The following NOX5 variants were observed in gnomAD, a reference collection of about 807,000 sequenced individuals.
NOX5 encodes NADPH oxidase, EF-hand calcium binding domain 5.
A neutral mutation model predicts 85.7 loss-of-function variants in NOX5; 76 were observed. The observed-to-expected ratio is 0.89, with a 90% CI of 0.74 to 1.07. The LOEUF (loss-of-function observed/expected upper bound fraction) is 1.07, where lower values mean the gene tolerates loss of function less well. Ranked by LOEUF, NOX5 falls within the 50% of genes least tolerant of loss-of-function variation. The pLI, the probability that NOX5 is intolerant of heterozygous loss-of-function variation, is 0.00. For synonymous variants in NOX5, 405 were observed against 401.4 expected, an observed-to-expected ratio of 1.01 and a Z score of -0.11; for missense variants, 973 against 999.5, an observed-to-expected ratio of 0.97 and a Z score of 0.36.
At chr15:69,049,922 C>A (rs535470559) in intron 14 of NOX5, among the ~76,000 whole-genome samples, 2 of 152,226 alleles carry the variant, frequency 1.3e-5, no homozygotes, top group Non-Finnish European at 2.9e-5. Context: ...CCACTGCAAT[C>A]AAAATATGGA....
intron 14 of NOX5, among the ~76,000 whole-genome samples, chr15:69,049,298 C>G (rs2050718554): frequency 6.6e-6 from 1 of 150,658 alleles, no homozygotes; most frequent in South Asian, 2.2e-4. Flanking sequence ...CTCAAGCAAT[C>G]CTCCACCTTG....
chr15:69,055,124 A>G (rs1374677883), intron 14 of NOX5, among the ~76,000 whole-genome samples: 1 of 152,218 alleles, frequency 6.6e-6, no homozygotes, highest in Non-Finnish European at 1.5e-5. Context: ...TAGTGCATAT[A>G]AAGTAACCAA....
chr15:69,016,894 C>T (rs2050238079), intron 1 of NOX5, among the ~76,000 whole-genome samples: 1 of 152,110 alleles, frequency 6.6e-6, no homozygotes, highest in South Asian at 2.1e-4. Flanking sequence ...ATGGACCCCT[C>T]CTCTCAGCAA....
rs780376997 is a variant in NOX5 at position 69,059,242 on chromosome 15, G to A, written c.*2546G>A. The stretch of plus-strand genomic sequence containing the variant: ...TGTCCTGAGGTTTTCTCTCCAGACA[G>A]ATTCCAGTTGCCCACGAGAGGGCGC... On this transcript the variant is annotated 3_prime_UTR_variant, in exon 16 of 16. Coordinates refer to ENST00000388866, the MANE Select transcript of NOX5 (RefSeq NM_024505.4). The A allele has an allele frequency of 2.0e-5, 3 of 152,220 alleles. No homozygotes were observed. The highest frequency in any genetic ancestry group is 1.5e-5 in the Non-Finnish European group (1 of 68,064). 9.4% of individuals were successfully genotyped at this position (152,220 alleles called of 1,614,324 possible).
chr15:69,031,918 G>A, intron 4 of NOX5, 106 bp downstream of exon 4: 1 of 1,197,550 alleles, frequency 8.4e-7, no homozygotes, highest in Non-Finnish European at 1.2e-6. Context: ...ACCCCGCCCT[G>A]CCCCGCCCCT....
At position 69,048,998 on chromosome 15, in the gene NOX5, G is replaced by C. The variant is rs758389674; in HGVS notation, c.1939G>C (p.Glu647Gln). 6.2e-7 allele frequency: 1 copy of C among 1,612,950 alleles called. No homozygotes were observed. The highest frequency in any genetic ancestry group is 2.2e-5 in the East Asian group (1 of 44,884). The change falls in exon 14 of 16, where the codon GAG (glutamate) becomes CAG (glutamine). Residue 647 changes from glutamate to glutamine, a missense_variant. By Grantham distance (29) the Glu-to-Gln change is conservative. Transcript: ENST00000388866. ...GATCAACAGAGACCAGCGGTCTTTC[G>C]AGTGGTTTGTGAGCCTGCTGACTAA... ...IWINRDQRSF[E>Q]WFVSLLTKLE...
In NOX5 at chr15:69,055,404, G is replaced by A. The variant is rs753421567; in HGVS notation, c.2070G>A (p.Leu690=). Residue 690 remains leucine (L), a synonymous_variant, in exon 15 of 16, where the codon CTG becomes CTA. Coordinates refer to ENST00000388866, the MANE Select transcript of NOX5 (RefSeq NM_024505.4). ...AGAATGACATGAAGGCCATTGGCCT[G>A]CAGATGGCCCTTGACCTCCTGGCCA... ...LGKNDMKAIG[L]QMALDLLANK... 2 of 1,614,182 alleles carry A rather than the reference G, an allele frequency of 1.2e-6. No homozygotes were observed. Among genetic ancestry groups the A allele is most frequent in the South Asian group, 1.1e-5 (1 of 91,078 alleles).
chr15:69,015,198 T>G (rs561909505), intron 1 of NOX5, among the ~76,000 whole-genome samples: 1 of 152,172 alleles, frequency 6.6e-6, no homozygotes, highest in Non-Finnish European at 1.5e-5. Context: ...GTGAGCACAT[T>G]GTTCCCCTTG....
intron 1 of NOX5, chr15:69,023,339 C>A: frequency 7.5e-6 from 2 of 267,840 alleles, no homozygotes; most frequent in East Asian, 2.1e-4. Flanking sequence ...ACTTCATTCT[C>A]TCAGATGGGT....
At chr15:69,014,845 G>A in intron 1 of NOX5, 60 bp downstream of exon 1, 1 of 1,242,606 alleles carries the variant, frequency 8.0e-7, no homozygotes. Context: ...GGGATTATTT[G>A]CCTTTGTGGG....
intron 9 of NOX5, among the ~76,000 whole-genome samples, chr15:69,040,890 G>T (rs1456641776): frequency 6.6e-6 from 1 of 152,072 alleles, no homozygotes; most frequent in African/African-American, 2.4e-5. Context: ...ATTTCACCAC[G>T]TTGGCCAGGC....
At position 69,033,255 on chromosome 15, in the gene NOX5, A is replaced by G. The variant is rs750661413; in HGVS notation, c.833A>G (p.Asn278Ser). The G allele has an allele frequency of 5.6e-6, 9 of 1,595,778 alleles. No individual in the cohort carries two copies. Among genetic ancestry groups the G allele is most frequent in the South Asian group, 1.1e-5 (1 of 90,150 alleles). Residue 278 changes from asparagine to serine, a missense_variant, in exon 5 of 16, where the codon AAC becomes AGC. Coordinates refer to ENST00000388866, the MANE Select transcript of NOX5 (RefSeq NM_024505.4). ...GCCAAGGGCTGCGGCCAGTGCCTCA[A>G]CTTCGACTGCAGCTTCATCGCGGTA... ...MVAKGCGQCLNFDCSFIAVLM... is the reference protein window; with the variant it reads ...MVAKGCGQCLSFDCSFIAVLM...
chr15:69,034,049 T>C (rs1567098944), intron 5 of NOX5, among the ~76,000 whole-genome samples: 1 of 152,164 alleles, frequency 6.6e-6, no homozygotes, highest in South Asian at 2.1e-4. Context: ...CCTCTTATGC[T>C]TATATGCATG....
In NOX5 at chr15:69,060,015, CAAAG is replaced by C. The variant is rs1302674440; in HGVS notation, c.*3321_*3324del. On this transcript the variant is annotated 3_prime_UTR_variant, in exon 16 of 16. Coordinates refer to ENST00000388866, the MANE Select transcript of NOX5 (RefSeq NM_024505.4). Reference sequence around the variant, plus strand: ...GGTTACTTAAATGGAATTATCCTTACAAAGAGTCTTTTGCACCTAATTGTCACTT... The same window carrying C: ...GGTTACTTAAATGGAATTATCCTTACAGTCTTTTGCACCTAATTGTCACTT... The C allele has an allele frequency of 6.6e-6, 1 of 152,242 alleles. No homozygotes were observed. The highest frequency in any genetic ancestry group is 1.9e-4 in the East Asian group (1 of 5,192). 9.4% of individuals were successfully genotyped at this position (152,242 alleles called of 1,614,324 possible).
At chr15:69,045,553 T>TTTCG (rs1555437232) in intron 10 of NOX5, among the ~76,000 whole-genome samples, 1 of 131,102 alleles carries the variant, frequency 7.6e-6, no homozygotes, top group African/African-American at 3.0e-5. Flanking sequence ...TCTTTCTTTC[T>TTTCG]TTCTTTCTTT....
intron 1 of NOX5, among the ~76,000 whole-genome samples, chr15:69,017,744 TTA>T: frequency 6.6e-6 from 1 of 151,914 alleles, no homozygotes; most frequent in East Asian, 1.9e-4. Context: ...TTCAAGTATT[TTA>T]TAGTTTGACT....
At chr15:69,047,777 T>C in intron 12 of NOX5, 53 bp from the exon 13 acceptor site, 1 of 1,577,256 alleles carries the variant, frequency 6.3e-7, no homozygotes, top group Non-Finnish European at 8.7e-7. Flanking sequence ...TTCTCTGGGG[T>C]CCTGAAAAGT....
intron 14 of NOX5, among the ~76,000 whole-genome samples, chr15:69,052,587 G>T (rs533315521): frequency 1.3e-5 from 2 of 152,294 alleles, no homozygotes; most frequent in Non-Finnish European, 2.9e-5. Flanking sequence ...TTATCACAAG[G>T]TTGTCATGAG....
At chr15:69,016,147 G>T (rs988318760) in intron 1 of NOX5, among the ~76,000 whole-genome samples, 2 of 152,174 alleles carry the variant, frequency 1.3e-5, no homozygotes, top group African/African-American at 4.8e-5. Context: ...AAAGACAGAA[G>T]GGGCCAATAT....
Sources: allele counts gnomAD v4.1 joint callset (sites outside exome capture counted in the v4.1 genomes callset), GRCh38; gene constraint gnomAD v4.1.1; transcripts MANE v1.5; gene names NCBI Gene and HGNC (gene_info 2026-07-23, HGNC 2026-07-21).